The following UBXN7 variants were observed in gnomAD, a reference collection of about 807,000 sequenced individuals.
UBXN7 encodes the protein UBX domain-containing protein 7.
UBXN7 carries 9 observed loss-of-function variants against 58.0 expected under a neutral mutation model. The ratio of observed to expected loss-of-function variants is 0.16; its 90% CI spans 0.09 to 0.27. The LOEUF (loss-of-function observed/expected upper bound fraction) is 0.27. Among genes scored for constraint, UBXN7 ranks in the 10% least tolerant of loss-of-function variants. UBXN7 has a pLI of 1.00. For synonymous variants in UBXN7, 208 were observed against 205.0 expected (o/e 1.01, Z -0.12); for missense variants, 328 against 599.6 (o/e 0.55, Z 4.73).
At chr3:196,415,133 T>C (rs1730440434) in intron 1 of UBXN7, among the ~76,000 whole-genome samples, 1 of 151,784 alleles carries the variant, frequency 6.6e-6, no homozygotes, top group Non-Finnish European at 1.5e-5. Context: ...CCAGTTACAT[T>C]GTGTTGTATT....
At chr3:196,424,839 A>C (rs990634974) in intron 1 of UBXN7, among the ~76,000 whole-genome samples, 3 of 150,684 alleles carry the variant, frequency 2.0e-5, no homozygotes, top group Admixed American at 1.3e-4. Context: ...AGTAGCTGGG[A>C]TTACAGGCAC....
chr3:196,376,254 T>C lies in UBXN7; in HGVS notation c.469-4212A>G, dbSNP rs920723640. Among the ~76,000 whole-genome samples the C allele has an allele frequency of 5.9e-5, 9 of 151,870 alleles. 1 individual carries two copies. Among genetic ancestry groups the C allele is most frequent in the Admixed American group, 5.2e-4 (8 of 15,250 alleles). On this transcript the variant is annotated intron_variant, in intron 5 of 10. Transcript: ENST00000296328. ...ATATAAAGTTTAATCAGAAAAATGT[T>C]ATATATTGCCAGGGGCAGTGGCTCT...
At position 196,403,022 on chromosome 3, in the gene UBXN7, A is replaced by AT; in HGVS notation, c.222-4dup. ...GAATTGGGGCACGAACTTCTTCTCTATTAAAAAAAAATGGGAAAATAAAAA... is the reference window on the plus strand; with the variant it reads ...GAATTGGGGCACGAACTTCTTCTCTATTTAAAAAAAAATGGGAAAATAAAAA... On this transcript the variant is annotated splice_region_variant and splice_polypyrimidine_tract_variant and intron_variant, in intron 2 of 10. Coordinates refer to ENST00000296328, the MANE Select transcript of UBXN7 (RefSeq NM_015562.2). 6.3e-7 allele frequency: 1 copy of AT among 1,587,282 alleles called. No homozygotes were observed. Among genetic ancestry groups the AT allele is most frequent in the Non-Finnish European group, 8.5e-7 (1 of 1,174,000 alleles).
rs1553850254 is a variant in UBXN7, at chr3:196,374,973, G to GGGAGGGAA, written c.469-2932_469-2931insTTCCCTCC. ...AAGAAAGAAAGAAAAAAAGGAAGGA[G>GGGAGGGAA]GGAAGGAAGGAAGGGAGGGAGGGAG... On this transcript the variant is annotated intron_variant, in intron 5 of 10. Coordinates refer to ENST00000296328, the MANE Select transcript of UBXN7 (RefSeq NM_015562.2). Among the ~76,000 whole-genome samples the GGGAGGGAA allele has an allele frequency of 6.3e-3, 180 of 28,404 alleles. 12 individuals carry two copies. Among genetic ancestry groups the GGGAGGGAA allele is most frequent in the African/African-American group, 0.028 (172 of 6,202 alleles). The allele number at this position is 28,404 out of a possible 152,430, so 18.6% of individuals were successfully genotyped here.
At chr3:196,416,531 C>T (rs1730492351) in intron 1 of UBXN7, among the ~76,000 whole-genome samples, 1 of 152,060 alleles carries the variant, frequency 6.6e-6, no homozygotes, top group Non-Finnish European at 1.5e-5. Flanking sequence ...ACCAGAACTC[C>T]AATGCCACTG....
At chr3:196,431,723 C>G (rs1266094141) in intron 1 of UBXN7, 2 of 448,196 alleles carry the variant, frequency 4.5e-6, no homozygotes, top group South Asian at 1.6e-5. Flanking sequence ...AGGTCCTCCT[C>G]AGCACCCCCC....
At chr3:196,370,150 G>C (rs1312048704) in intron 6 of UBXN7, among the ~76,000 whole-genome samples, 1 of 129,224 alleles carries the variant, frequency 7.7e-6, no homozygotes, top group East Asian at 2.1e-4. Context: ...AAAAAAAAAA[G>C]ATTATGGCTC....
At chr3:196,388,511 C>T (rs1450465678) in intron 5 of UBXN7, among the ~76,000 whole-genome samples, 1 of 150,780 alleles carries the variant, frequency 6.6e-6, no homozygotes, top group African/African-American at 2.4e-5. Context: ...TGCAGTCAAA[C>T]CCTTACTCTT....
At chr3:196,393,350 A>G (rs1729643114) in intron 4 of UBXN7, among the ~76,000 whole-genome samples, 2 of 152,164 alleles carry the variant, frequency 1.3e-5, no homozygotes, top group Admixed American at 1.3e-4. Flanking sequence ...CATTATCTCC[A>G]TCTCCTTTAC....
intron 8 of UBXN7, among the ~76,000 whole-genome samples, chr3:196,363,383 C>T (rs1158068860): frequency 3.3e-5 from 5 of 149,412 alleles, no homozygotes; most frequent in African/African-American, 9.8e-5. Context: ...AAGGCCAGGC[C>T]GGGTGGCTCA....
chr3:196,372,584 C>T (rs532436868), intron 5 of UBXN7, among the ~76,000 whole-genome samples: 25 of 152,012 alleles, frequency 1.6e-4, no homozygotes, highest in South Asian at 4.2e-4. Flanking sequence ...TCAAATGACC[C>T]GTCCACCTTG....
rs918908250 is a variant in UBXN7, at chr3:196,347,871, T to G, written c.*8814A>C. The stretch of plus-strand genomic sequence containing the variant: ...CCCATTGTCCCCCCACCCTCCCCGT[T>G]TCAAGTTGCAGTATTAATATAAAGC... On this transcript the variant is annotated 3_prime_UTR_variant, in exon 11 of 11. Transcript: ENST00000296328. 5.1e-5 allele frequency: 7 copies of G among 137,820 alleles called. No homozygotes were observed. Among genetic ancestry groups the G allele is most frequent in the African/African-American group, 1.9e-4 (7 of 37,334 alleles). 8.5% of individuals were successfully genotyped at this position (137,820 alleles called of 1,614,324 possible).
chr3:196,412,357 T>C (rs1310333089), intron 1 of UBXN7, among the ~76,000 whole-genome samples: 1 of 150,860 alleles, frequency 6.6e-6, no homozygotes, highest in Non-Finnish European at 1.5e-5. Context: ...GAAACGCAAA[T>C]AGTTGACGGT....
At chr3:196,358,610 A>G (rs1161570817) in intron 10 of UBXN7, among the ~76,000 whole-genome samples, 2 of 151,994 alleles carry the variant, frequency 1.3e-5, no homozygotes, top group African/African-American at 4.8e-5. Flanking sequence ...GTGTGGTGGC[A>G]CACACCTGTA....
intron 3 of UBXN7, chr3:196,399,766 C>T (rs1017246121): frequency 2.0e-5 from 3 of 151,872 alleles, no homozygotes; most frequent in Admixed American, 2.0e-4. Flanking sequence ...TTTTTGTAAA[C>T]TTCAAATATG....
intron 1 of UBXN7, among the ~76,000 whole-genome samples, chr3:196,407,839 C>T (rs1233674180): frequency 6.6e-6 from 1 of 152,112 alleles, no homozygotes; most frequent in Admixed American, 6.6e-5. Context: ...GTGGCTCACA[C>T]CTGTAATCCC....
chr3:196,374,605 G>C (rs1328709784), intron 5 of UBXN7, among the ~76,000 whole-genome samples: 2 of 151,434 alleles, frequency 1.3e-5, no homozygotes, highest in African/African-American at 4.9e-5. Flanking sequence ...AATAGGCCAG[G>C]TGCAGTGGCT....
chr3:196,408,240 A>G (rs2108617115), intron 1 of UBXN7, among the ~76,000 whole-genome samples: 1 of 152,290 alleles, frequency 6.6e-6, no homozygotes, highest in African/African-American at 2.4e-5. Flanking sequence ...CCTATTACAA[A>G]TGTACTCATT....
rs377158646 is a variant in UBXN7, at chr3:196,368,088, C to T, written c.774G>A (p.Leu258=). The change falls in exon 8 of 11, where the codon CTG becomes CTA. Residue 258 remains leucine (L), a synonymous_variant. Coordinates refer to ENST00000296328, the MANE Select transcript of UBXN7 (RefSeq NM_015562.2). ...GTCCATCCAGTTGTCCATGTTCACC[C>T]AGAAATCCCGTCACTTGGTCCAAGA... The part of the protein sequence containing the change: ...SSFLDQVTGF[L]GEHGQLDGLS... 2 of 1,614,094 alleles carry T rather than the reference C, an allele frequency of 1.2e-6. No individual in the cohort carries two copies. Among genetic ancestry groups the T allele is most frequent in the Admixed American group, 1.7e-5 (1 of 60,018 alleles).
Sources: allele counts gnomAD v4.1 joint callset (sites outside exome capture counted in the v4.1 genomes callset), GRCh38; gene constraint gnomAD v4.1.1; transcripts MANE v1.5; gene names NCBI Gene and HGNC (gene_info 2026-07-23, HGNC 2026-07-21).